Variants in PLEKHM3 observed in about 807,000 individuals in gnomAD.
The protein encoded by PLEKHM3 is pleckstrin homology domain-containing family M member 3.
PLEKHM3 carries 45 observed loss-of-function variants against 81.8 expected under a neutral mutation model. That is an observed-to-expected ratio of 0.55 (90% CI 0.43 to 0.71). The LOEUF is 0.71. PLEKHM3 is among the 30% of genes least tolerant of loss of function. PLEKHM3 has a pLI of 0.00. For missense variants in PLEKHM3, 788 were observed against 924.3 expected, an observed-to-expected ratio of 0.85 and a Z score of 1.91; for synonymous variants, 352 against 356.4, an observed-to-expected ratio of 0.99 and a Z score of 0.14.
intron 7 of PLEKHM3, among the ~76,000 whole-genome samples, chr2:207,838,986 T>C (rs1423401701): frequency 6.6e-6 from 1 of 152,216 alleles, no homozygotes; most frequent in Non-Finnish European, 1.5e-5. Context: ...TACGAGATTA[T>C]TAGGCGAATG....
chr2:207,875,989 T>C (rs1310676316), intron 6 of PLEKHM3, among the ~76,000 whole-genome samples: 1 of 152,178 alleles, frequency 6.6e-6, no homozygotes, highest in Non-Finnish European at 1.5e-5. Flanking sequence ...ATATCCACAG[T>C]ATAATGTGAA....
chr2:207,959,663 T>C (rs922874132), intron 3 of PLEKHM3, among the ~76,000 whole-genome samples: 1 of 152,210 alleles, frequency 6.6e-6, no homozygotes, highest in Non-Finnish European at 1.5e-5. Context: ...AAACAAAACC[T>C]GTCCTCTCCT....
At chr2:207,932,766 C>A (rs1200253534) in intron 4 of PLEKHM3, among the ~76,000 whole-genome samples, 1 of 152,122 alleles carries the variant, frequency 6.6e-6, no homozygotes, top group Non-Finnish European at 1.5e-5. Flanking sequence ...GCACTTGGAT[C>A]TGGGTGTAGA....
chr2:207,852,641 G>C (rs2092418633), intron 7 of PLEKHM3: 1 of 294,956 alleles, frequency 3.4e-6, no homozygotes, highest in South Asian at 3.2e-5. Flanking sequence ...AGTGACTCAA[G>C]TTCAACACAG....
chr2:207,833,045 G>A (rs2092297151), intron 7 of PLEKHM3, among the ~76,000 whole-genome samples: 1 of 147,436 alleles, frequency 6.8e-6, no homozygotes, highest in South Asian at 2.1e-4. Flanking sequence ...CCAGGAGACA[G>A]AGGCTGCAGT....
chr2:207,974,558 C>T (rs902643513), intron 3 of PLEKHM3, among the ~76,000 whole-genome samples: 17 of 152,212 alleles, frequency 1.1e-4, no homozygotes, highest in African/African-American at 4.1e-4. Context: ...TCCAATAACA[C>T]AACAGATTTG....
chr2:207,886,221 C>T (rs1687880253), intron 6 of PLEKHM3, among the ~76,000 whole-genome samples: 1 of 152,228 alleles, frequency 6.6e-6, no homozygotes, highest in Admixed American at 6.5e-5. Flanking sequence ...CTGGTGAAAA[C>T]TCCATCCCAG....
chr2:207,921,241 G>A (rs183883718), intron 5 of PLEKHM3, among the ~76,000 whole-genome samples: 1 of 152,102 alleles, frequency 6.6e-6, no homozygotes, highest in Non-Finnish European at 1.5e-5. Flanking sequence ...CAGAGACGGG[G>A]TTTCACCATG....
intron 1 of PLEKHM3, among the ~76,000 whole-genome samples, chr2:208,022,197 G>A (rs1165775194): frequency 1.3e-5 from 2 of 152,188 alleles, no homozygotes; most frequent in African/African-American, 2.4e-5. Context: ...AACTGTTGAG[G>A]AGGATTTTTG....
chr2:207,966,821 G>A (rs2106009069), intron 3 of PLEKHM3, among the ~76,000 whole-genome samples: 1 of 152,222 alleles, frequency 6.6e-6, no homozygotes, highest in East Asian at 1.9e-4. Flanking sequence ...CCAAAGTGCT[G>A]GGATTACAGG....
At chr2:207,890,598 A>G (rs1355376458) in intron 6 of PLEKHM3, among the ~76,000 whole-genome samples, 2 of 152,190 alleles carry the variant, frequency 1.3e-5, no homozygotes, top group Non-Finnish European at 2.9e-5. Flanking sequence ...ACTGCCCTCC[A>G]GCCTGGGTGA....
intron 6 of PLEKHM3, among the ~76,000 whole-genome samples, chr2:207,864,279 C>T (rs2092483976): frequency 6.6e-6 from 1 of 152,092 alleles, no homozygotes; most frequent in Non-Finnish European, 1.5e-5. Flanking sequence ...CCATTAACTC[C>T]AATAAACCCC....
chr2:207,901,016 T>C (rs1688405738), intron 6 of PLEKHM3: 5 of 488,980 alleles, frequency 1.0e-5, no homozygotes, highest in East Asian at 9.7e-5. Context: ...ATTTCAGCAC[T>C]GACTAAACAC....
chr2:208,019,917 G>A (rs776051284), intron 1 of PLEKHM3, among the ~76,000 whole-genome samples: 22 of 152,226 alleles, frequency 1.4e-4, no homozygotes, highest in African/African-American at 5.3e-4. Context: ...ATCCCTGAAC[G>A]TGGAAGAGAA....
chr2:208,001,734 G>A lies in PLEKHM3; in HGVS notation c.-95C>T, dbSNP rs1692313865. 1.3e-6 allele frequency: 2 copies of A among 1,509,166 alleles called. No individual in the cohort carries two copies. The highest frequency in any genetic ancestry group is 1.8e-6 in the Non-Finnish European group (2 of 1,136,456). The allele number at this position is 1,509,166 out of a possible 1,614,324, so 93.5% of individuals were successfully genotyped here. A position where few individuals can be genotyped will look rare whatever the true frequency, so the allele number is the denominator to read the frequency against. On this transcript the variant is annotated 5_prime_UTR_variant, in exon 2 of 8. Coordinates refer to ENST00000427836, the MANE Select transcript of PLEKHM3 (RefSeq NM_001080475.3). The stretch of plus-strand genomic sequence containing the variant: ...CCAAGAGGGGTGCTTCAGCAATAGA[G>A]CTATGGAAACAACTGGAAGAAACCT...
At position 207,908,630 on chromosome 2, in the gene PLEKHM3, T is replaced by C. The variant is rs1314242182; in HGVS notation, c.1887-53A>G. 3 of 1,476,268 alleles carry C rather than the reference T, an allele frequency of 2.0e-6. No individual in the cohort carries two copies. The East Asian group carries it at 6.9e-5, about 34-fold the overall frequency. The allele number at this position is 1,476,268 out of a possible 1,614,324, so 91.4% of individuals were successfully genotyped here. On this transcript the variant is annotated intron_variant, in intron 5 of 7. Coordinates refer to ENST00000427836, the MANE Select transcript of PLEKHM3 (RefSeq NM_001080475.3). ...AACTGTGGTGCTGCCATAACACACA[T>C]TTTTCTGATAAGTTTCAGTCTCATT...
chr2:207,844,300 T>A (rs78377317), intron 7 of PLEKHM3, among the ~76,000 whole-genome samples: 3,399 of 136,152 alleles, frequency 0.025, 122 homozygotes, highest in African/African-American at 0.086. Context: ...TACATTTATT[T>A]TTCTTTTTTT....
chr2:207,858,302 T>A (rs1432176889), intron 7 of PLEKHM3, among the ~76,000 whole-genome samples: 3 of 151,808 alleles, frequency 2.0e-5, no homozygotes, highest in African/African-American at 7.3e-5. Flanking sequence ...GCCTTCCAAG[T>A]AGCTGGGATT....
chr2:207,901,918 C>T (rs1002416901), intron 6 of PLEKHM3, among the ~76,000 whole-genome samples: 2 of 152,192 alleles, frequency 1.3e-5, no homozygotes, highest in African/African-American at 4.8e-5. Context: ...CCGGCTGCAG[C>T]GGACACAGGC....
Sources: allele counts gnomAD v4.1 joint callset (sites outside exome capture counted in the v4.1 genomes callset), GRCh38; gene constraint gnomAD v4.1.1; transcripts MANE v1.5; gene names NCBI Gene and HGNC (gene_info 2026-07-23, HGNC 2026-07-21).